Variants in PDE8B observed in about 807,000 individuals in gnomAD.
PDE8B encodes the protein high affinity cAMP-specific and IBMX-insensitive 3',5'-cyclic phosphodiesterase 8B.
In PDE8B, 26 loss-of-function variants were observed where a neutral mutation model predicts 101.3. The observed-to-expected ratio is 0.26, with a 90% CI of 0.19 to 0.36. The LOEUF is 0.36. PDE8B is among the 10% of genes least tolerant of loss of function. PDE8B has a pLI of 1.00. For missense variants in PDE8B, 810 were observed against 1,163.1 expected (o/e 0.70, Z 4.42); for synonymous variants, 424 against 429.3 (o/e 0.99, Z 0.15).
chr5:77,160,504 T>C, the PDE8B span, among the ~76,000 whole-genome samples: 2 of 152,220 alleles, frequency 1.3e-5, no homozygotes, highest in African/African-American at 4.8e-5. Context: ...TAACTGTAGA[T>C]TGTCGTATAC....
chr5:77,163,594 C>T, the PDE8B span, among the ~76,000 whole-genome samples: 1 of 152,152 alleles, frequency 6.6e-6, no homozygotes, highest in Non-Finnish European at 1.5e-5. Context: ...AACAAAAACC[C>T]TCATTACAGG....
chr5:77,092,401 C>A, the PDE8B span: 1 of 151,994 alleles, frequency 6.6e-6, no homozygotes, highest in Admixed American at 6.6e-5. Flanking sequence ...CAAAAAAAAA[C>A]AACCTTCAGT....
intron 1 of PDE8B, among the ~76,000 whole-genome samples, chr5:77,216,859 A>G (rs1447410685): frequency 6.6e-6 from 1 of 152,126 alleles, no homozygotes; most frequent in African/African-American, 2.4e-5. Flanking sequence ...CAGGGTGGAG[A>G]GTGGGTCTGG....
the PDE8B span, among the ~76,000 whole-genome samples, chr5:77,106,426 T>A: frequency 6.6e-6 from 1 of 152,228 alleles, no homozygotes; most frequent in Non-Finnish European, 1.5e-5. Context: ...TTTCCCCCAT[T>A]GAAATGGCTT....
the PDE8B span, among the ~76,000 whole-genome samples, chr5:77,200,687 G>C: frequency 2.0e-5 from 3 of 152,120 alleles, no homozygotes; most frequent in Non-Finnish European, 1.5e-5. Flanking sequence ...CATCACCTGG[G>C]AATTATGTAG....
At chr5:77,089,656 G>A in the PDE8B span, among the ~76,000 whole-genome samples, 8 of 152,108 alleles carry the variant, frequency 5.3e-5, no homozygotes, top group South Asian at 2.1e-4. Flanking sequence ...TTACAGCTAC[G>A]GACATCTGAT....
At chr5:77,318,055 C>CAAAAAAAAAAAAAAAAAAAAAAA (rs55952764) in intron 2 of PDE8B, among the ~76,000 whole-genome samples, 1 of 57,190 alleles carries the variant, frequency 1.7e-5, no homozygotes, top group Non-Finnish European at 3.2e-5. Flanking sequence ...GACTCCATCT[C>CAAAAAAAAAAAAAAAAAAAAAAA]AAAAAAAAAA....
chr5:77,109,180 G>A, the PDE8B span, among the ~76,000 whole-genome samples: 2 of 152,234 alleles, frequency 1.3e-5, no homozygotes. Context: ...TGAGAGTCAG[G>A]ACTCTGCCCT....
chr5:77,172,336 C>A, the PDE8B span, among the ~76,000 whole-genome samples: 1 of 152,166 alleles, frequency 6.6e-6, no homozygotes, highest in Non-Finnish European at 1.5e-5. Flanking sequence ...CACCAAACAA[C>A]ATAAAATATG....
intron 10 of PDE8B, among the ~76,000 whole-genome samples, chr5:77,380,597 G>C (rs995679668): frequency 2.2e-4 from 34 of 152,172 alleles, no homozygotes; most frequent in Non-Finnish European, 4.4e-4. Context: ...GTTTTCACCA[G>C]AGCTATGAGG....
chr5:77,338,403 G>A (rs1409054807), intron 6 of PDE8B, among the ~76,000 whole-genome samples: 6 of 152,074 alleles, frequency 3.9e-5, no homozygotes, highest in Non-Finnish European at 7.3e-5. Flanking sequence ...ATAAAGTGTG[G>A]GGATAAACAG....
At chr5:77,204,050 GTTT>G in the PDE8B span, among the ~76,000 whole-genome samples, 6 of 113,592 alleles carry the variant, frequency 5.3e-5, no homozygotes, top group South Asian at 6.1e-4. Flanking sequence ...TGTACCCTTA[GTTT>G]TTTTTTTTTT....
At chr5:77,096,406 T>C in the PDE8B span, among the ~76,000 whole-genome samples, 1 of 152,182 alleles carries the variant, frequency 6.6e-6, no homozygotes, top group African/African-American at 2.4e-5. Context: ...ACAGAACACC[T>C]GAGACTGGGT....
At chr5:77,133,120 T>G in the PDE8B span, among the ~76,000 whole-genome samples, 1 of 152,374 alleles carries the variant, frequency 6.6e-6, no homozygotes, top group African/African-American at 2.4e-5. Flanking sequence ...TCACCCTGAC[T>G]TACTTTGGCT....
intron 1 of PDE8B, among the ~76,000 whole-genome samples, chr5:77,310,658 G>A (rs1171676424): frequency 6.6e-6 from 1 of 152,168 alleles, no homozygotes; most frequent in Non-Finnish European, 1.5e-5. Flanking sequence ...TCCCCAAGAG[G>A]AGCAGAACAG....
intron 1 of PDE8B, chr5:77,291,291 G>C: frequency 6.2e-7 from 1 of 1,613,026 alleles, no homozygotes; most frequent in East Asian, 2.2e-5. Flanking sequence ...TGTTCTCTAT[G>C]GGCCACTCCA....
the PDE8B span, among the ~76,000 whole-genome samples, chr5:77,106,743 C>T: frequency 6.6e-6 from 1 of 151,986 alleles, no homozygotes. Context: ...TGATTTGTAC[C>T]TCCATTTATT....
At chr5:77,166,184 C>A in the PDE8B span, among the ~76,000 whole-genome samples, 1 of 129,550 alleles carries the variant, frequency 7.7e-6, no homozygotes. Flanking sequence ...TGGCATAGTT[C>A]TTGAAGAACA....
chr5:77,426,831 G>A lies in PDE8B; in HGVS notation c.*277G>A. 2.5e-6 allele frequency: 1 copy of A among 400,348 alleles called. No individual in the cohort carries two copies. Among genetic ancestry groups the A allele is most frequent in the Non-Finnish European group, 4.7e-6 (1 of 211,686 alleles). 24.8% of individuals were successfully genotyped at this position (400,348 alleles called of 1,614,324 possible). On this transcript the variant is annotated 3_prime_UTR_variant, in exon 22 of 22. Transcript: ENST00000264917. ...ATCCTGTGTACCCTTGTCAATCCAT[G>A]GAGCTGGTTCACTGTAACTAGCAGG...
Sources: gnomAD v4.1 joint callset for allele counts (sites outside exome capture counted in the v4.1 genomes callset) on GRCh38, gnomAD v4.1.1 for gene constraint, MANE v1.5 for transcripts, NCBI Gene and HGNC (gene_info 2026-07-23, HGNC 2026-07-21) for gene names.